Variants in ABCA13 observed in about 807,000 individuals in gnomAD.
The protein encoded by ABCA13 is ATP-binding cassette sub-family A member 13.
A neutral mutation model predicts 478.7 loss-of-function variants in ABCA13; 476 were observed. That is an observed-to-expected ratio of 0.99 (90% confidence interval 0.92 to 1.07). ABCA13 has a LOEUF of 1.07. ABCA13 is among the 50% of genes least tolerant of loss of function. The pLI, the probability that ABCA13 is intolerant of heterozygous loss-of-function variation, is 0.00. For synonymous variants in ABCA13, 2,252 were observed against 2,158.9 expected (o/e 1.04, Z -1.20); for missense variants, 6,060 against 5,910.6 (o/e 1.03, Z -0.83).
chr7:48,606,309 T>C (rs1791457541), intron 58 of ABCA13, among the ~76,000 whole-genome samples: 1 of 152,190 alleles, frequency 6.6e-6, no homozygotes, highest in East Asian at 1.9e-4. Context: ...GTTTTTGGAA[T>C]TTTCAAGCCT....
chr7:48,371,420 A>C (rs972594363), intron 32 of ABCA13, among the ~76,000 whole-genome samples: 3 of 152,140 alleles, frequency 2.0e-5, no homozygotes, highest in African/African-American at 4.8e-5. Flanking sequence ...TGACCATGGA[A>C]TGTTTTTCTA....
intron 29 of ABCA13, among the ~76,000 whole-genome samples, chr7:48,344,339 A>G (rs1027380801): frequency 2.6e-5 from 4 of 152,208 alleles, no homozygotes; most frequent in South Asian, 2.1e-4. Flanking sequence ...AGAAACTCTC[A>G]TTTAGAGCAA....
chr7:48,388,336 T>A (rs567104025), intron 36 of ABCA13, among the ~76,000 whole-genome samples: 1 of 152,324 alleles, frequency 6.6e-6, no homozygotes, highest in South Asian at 2.1e-4. Context: ...CATTTAAAAA[T>A]TTTTAAGTGT....
intron 27 of ABCA13, among the ~76,000 whole-genome samples, chr7:48,323,356 C>T (rs1254642791): frequency 6.6e-6 from 1 of 152,108 alleles, no homozygotes; most frequent in East Asian, 1.9e-4. Flanking sequence ...GGCTCTTGTA[C>T]CCATTTGAGC....
intron 23 of ABCA13, among the ~76,000 whole-genome samples, chr7:48,308,571 A>G (rs1399056075): frequency 2.6e-5 from 4 of 152,116 alleles, no homozygotes; most frequent in Admixed American, 6.5e-5. Context: ...CAACACTACA[A>G]TGGCTGATGT....
rs892258481 is a variant in ABCA13, at chr7:48,249,281, G to A, written c.1935G>A (p.Lys645=). 3.1e-6 allele frequency: 5 copies of A among 1,613,168 alleles called. No homozygotes were observed. The African/African-American group carries it at 6.7e-5, about 22-fold the overall frequency. ...EQAYYWKAFK[K]FIRKTCEVAQ... is the part of the protein sequence containing the mutation. ...CATATTATTGGAAAGCCTTCAAAAAGTTTATCAGGAAGACTTGCGAAGTGG... is the reference window on the plus strand; with the variant it reads ...CATATTATTGGAAAGCCTTCAAAAAATTTATCAGGAAGACTTGCGAAGTGG... Residue 645 remains lysine (K), a synonymous_variant, in exon 15 of 62, where the codon AAG becomes AAA. Coordinates refer to ENST00000435803, the MANE Select transcript of ABCA13 (RefSeq NM_152701.5).
intron 15 of ABCA13, among the ~76,000 whole-genome samples, chr7:48,261,614 T>A (rs1324817793): frequency 6.7e-6 from 1 of 149,988 alleles, no homozygotes; most frequent in Non-Finnish European, 1.5e-5. Flanking sequence ...AAAGATTTTT[T>A]AAATCATATT....
chr7:48,179,848 T>G (rs1399068390), intron 1 of ABCA13, among the ~76,000 whole-genome samples: 1 of 152,214 alleles, frequency 6.6e-6, no homozygotes, highest in African/African-American at 2.4e-5. Context: ...CAGAGTATGC[T>G]CTTTCTCTCT....
At chr7:48,484,741 A>G (rs56265057) in intron 47 of ABCA13, among the ~76,000 whole-genome samples, 20,808 of 152,058 alleles carry the variant, frequency 0.14, 1,798 homozygotes, top group African/African-American at 0.23. Context: ...CGTGTCCTTC[A>G]CCAGGCACAA....
chr7:48,343,896 G>A (rs1363792035), intron 29 of ABCA13, among the ~76,000 whole-genome samples: 1 of 151,990 alleles, frequency 6.6e-6, no homozygotes, highest in Non-Finnish European at 1.5e-5. Context: ...TTCAATTAAG[G>A]GGAGTTTTCT....
intron 47 of ABCA13, among the ~76,000 whole-genome samples, chr7:48,487,712 G>A (rs911669691): frequency 4.7e-4 from 71 of 152,118 alleles, no homozygotes; most frequent in African/African-American, 1.7e-3. Context: ...TACCAGATTA[G>A]CCTGTCCCTT....
chr7:48,219,259 A>G lies in ABCA13; in HGVS notation c.288-95A>G, dbSNP rs1233040716. 6 of 1,350,362 alleles carry G rather than the reference A, an allele frequency of 4.4e-6. No homozygotes were observed. The East Asian group carries it at 1.3e-4, about 29-fold the overall frequency. 83.6% of individuals were successfully genotyped at this position (1,350,362 alleles called of 1,614,324 possible). A position where few individuals can be genotyped will look rare whatever the true frequency, so the allele number is the denominator to read the frequency against. The stretch of plus-strand genomic sequence containing the variant: ...TGAGAGTGTAAGTTGGTACAAGTTT[A>G]ATTGAAAGCAATTTGGTATCAAGAA... On this transcript the variant is annotated intron_variant, in intron 3 of 61. Coordinates refer to ENST00000435803, the MANE Select transcript of ABCA13 (RefSeq NM_152701.5).
intron 27 of ABCA13, among the ~76,000 whole-genome samples, chr7:48,319,179 C>G (rs1563041880): frequency 6.6e-6 from 1 of 152,100 alleles, no homozygotes; most frequent in Non-Finnish European, 1.5e-5. Context: ...GGGGAGGTGC[C>G]AAGCCCCACA....
At chr7:48,231,562 G>A (rs935672122) in intron 7 of ABCA13, among the ~76,000 whole-genome samples, 1 of 152,300 alleles carries the variant, frequency 6.6e-6, no homozygotes, top group Middle Eastern at 3.4e-3. Flanking sequence ...GGGCCGGTGT[G>A]AGGAGTAGAT....
chr7:48,336,561 A>G (rs11976969), intron 28 of ABCA13, among the ~76,000 whole-genome samples: 6,963 of 152,206 alleles, frequency 0.046, 534 homozygotes, highest in African/African-American at 0.16. Flanking sequence ...AAAGTCAGTT[A>G]TCAAGGTAGG....
chr7:48,363,679 T>C (rs978185753), intron 31 of ABCA13, among the ~76,000 whole-genome samples: 1 of 152,174 alleles, frequency 6.6e-6, no homozygotes, highest in African/African-American at 2.4e-5. Flanking sequence ...TCCCTTACTG[T>C]ATTTTGTGCA....
intron 3 of ABCA13, among the ~76,000 whole-genome samples, chr7:48,217,302 A>G (rs189748826): frequency 3.9e-5 from 6 of 152,352 alleles, no homozygotes; most frequent in African/African-American, 1.4e-4. Context: ...CTGCTTAGAG[A>G]TAATTCTCAT....
intron 56 of ABCA13, 87 bp downstream of exon 56, chr7:48,580,461 C>A: frequency 7.5e-7 from 1 of 1,340,580 alleles, no homozygotes; most frequent in Non-Finnish European, 1.0e-6. Flanking sequence ...CTCTCTCACC[C>A]TATGAGGAGA....
At position 48,387,974 on chromosome 7, in the gene ABCA13, G is replaced by C; in HGVS notation, c.11473+15G>C. ...TGACAATAAAGGTTTGTAAGGAGTA[G>C]AATTATTAGATGCATGTATTTTTCC... On this transcript the variant is annotated intron_variant, in intron 36 of 61. Coordinates refer to ENST00000435803, the MANE Select transcript of ABCA13 (RefSeq NM_152701.5). 1.3e-6 allele frequency: 2 copies of C among 1,588,950 alleles called. No individual in the cohort carries two copies. The highest frequency in any genetic ancestry group is 1.7e-6 in the Non-Finnish European group (2 of 1,171,978).
Sources: allele counts gnomAD v4.1 joint callset (sites outside exome capture counted in the v4.1 genomes callset), GRCh38; gene constraint gnomAD v4.1.1; transcripts MANE v1.5; gene names NCBI Gene and HGNC (gene_info 2026-07-23, HGNC 2026-07-21).